The following ARHGEF7 variants were observed in gnomAD, a reference collection of about 807,000 sequenced individuals.
The protein encoded by ARHGEF7 is Rho guanine nucleotide exchange factor 7.
ARHGEF7 carries 33 observed loss-of-function variants against 109.8 expected under a neutral mutation model. The ratio of observed to expected loss-of-function variants is 0.30; its 90% CI spans 0.23 to 0.40. The LOEUF is 0.40. ARHGEF7 is among the 10% of genes least tolerant of loss of function. The pLI, the probability that ARHGEF7 is intolerant of heterozygous loss-of-function variation, is 1.00. For synonymous variants in ARHGEF7, 458 were observed against 424.6 expected, an observed-to-expected ratio of 1.08 and a Z score of -0.97; for missense variants, 938 against 1,098.5, an observed-to-expected ratio of 0.85 and a Z score of 2.07.
At chr13:111,221,533 CTATATATAGATACATATCTATATA>C (rs2084310549) in intron 5 of ARHGEF7, among the ~76,000 whole-genome samples, 2 of 33,818 alleles carry the variant, frequency 5.9e-5, no homozygotes, top group East Asian at 2.2e-3. Context: ...CTATATATAT[CTATATATAGATACATATCTATATA>C]TCTATATATA....
chr13:111,168,049 G>A (rs1484911537), intron 2 of ARHGEF7, among the ~76,000 whole-genome samples: 1 of 152,214 alleles, frequency 6.6e-6, no homozygotes, highest in Non-Finnish European at 1.5e-5. Context: ...CCTTGGCAGA[G>A]TGAGGTCCTT....
chr13:111,283,630 C>T (rs1365792424), intron 16 of ARHGEF7, among the ~76,000 whole-genome samples: 6 of 152,174 alleles, frequency 3.9e-5, no homozygotes, highest in African/African-American at 7.2e-5. Flanking sequence ...AGGAGTGTGC[C>T]GCCAGGGGCC....
rs1306928880 is a variant in ARHGEF7 at position 111,304,263 on chromosome 13, C to T, written c.*1150C>T. 2 of 152,282 alleles carry T rather than the reference C, an allele frequency of 1.3e-5. No individual in the cohort carries two copies. Among genetic ancestry groups the T allele is most frequent in the African/African-American group, 4.8e-5 (2 of 41,474 alleles). The allele number at this position is 152,282 out of a possible 1,614,324, so 9.4% of individuals were successfully genotyped here. A position where few individuals can be genotyped will look rare whatever the true frequency, so the allele number is the denominator to read the frequency against. ...CCAGTGCAGAGGAGACGAAGCCTGT[C>T]CTCACCGCGGCTCGCTGGGCCCAGG... On this transcript the variant is annotated 3_prime_UTR_variant, in exon 22 of 22. Transcript: ENST00000646102.
At chr13:111,185,961 C>CGTGTGTGTGTGT (rs71127998) in intron 2 of ARHGEF7, among the ~76,000 whole-genome samples, 2,855 of 135,800 alleles carry the variant, frequency 0.021, 64 homozygotes, top group Non-Finnish European at 0.028. Context: ...TTTGGGAGCT[C>CGTGTGTGTGTGT]GTGTGTGTGT....
chr13:111,292,372 G>A (rs781457030), intron 19 of ARHGEF7, 78 bp downstream of exon 19: 24 of 1,583,010 alleles, frequency 1.5e-5, no homozygotes, highest in Non-Finnish European at 1.7e-5. Flanking sequence ...TTGTTGTATC[G>A]CAGCCTGCTT....
chr13:111,299,144 G>C lies in ARHGEF7; in HGVS notation c.2312-1604G>C, dbSNP rs550045251. Among the ~76,000 whole-genome samples the C allele has an allele frequency of 2.0e-5, 3 of 152,260 alleles. No homozygotes were observed. In the East Asian group the frequency reaches 5.8e-4, roughly 29 times the overall value. On this transcript the variant is annotated intron_variant, in intron 19 of 21. Coordinates refer to ENST00000646102, the MANE Select transcript of ARHGEF7 (RefSeq NM_001354046.2). ...CATTCTGAGGAGTGGAGCAGGTTTT[G>C]CAGACGCACAAGGGGCAGCACCTGG...
At chr13:111,238,235 T>G (rs778920723) in intron 6 of ARHGEF7, among the ~76,000 whole-genome samples, 1 of 152,190 alleles carries the variant, frequency 6.6e-6, no homozygotes, top group Non-Finnish European at 1.5e-5. Context: ...GTGGAAGGTG[T>G]ACAGCCTTTT....
chr13:111,243,944 C>T lies in ARHGEF7; in HGVS notation c.832C>T (p.Arg278Trp), dbSNP rs746611764. Residue 278 changes from arginine (R) to tryptophan (W), a missense_variant, in exon 7 of 22, where the codon CGG (arginine) becomes TGG (tryptophan). Transcript: ENST00000646102. Reference protein sequence around the residue: ...ELQTVLSTYLRPLQTSEKLSS... With the variant: ...ELQTVLSTYLWPLQTSEKLSS... ...TCAGACTGTGCTTTCAACGTACCTA[C>T]GGCCATTGCAGACCAGTGAGAAGTA... is the stretch of plus-strand genomic sequence containing the variant. 35 of 1,612,754 alleles carry T rather than the reference C, an allele frequency of 2.2e-5. No homozygotes were observed. Among genetic ancestry groups the T allele is most frequent in the Middle Eastern group, 1.6e-4 (1 of 6,084 alleles).
In ARHGEF7 at chr13:111,153,803, C is replaced by T. The variant is rs897592513; in HGVS notation, c.166-102C>T. 6.3e-6 allele frequency: 9 copies of T among 1,420,206 alleles called. No individual in the cohort carries two copies. In the South Asian group the frequency reaches 7.5e-5, roughly 12 times the overall value. 88.0% of individuals were successfully genotyped at this position (1,420,206 alleles called of 1,614,324 possible). On this transcript the variant is annotated intron_variant, in intron 1 of 21. Coordinates refer to ENST00000646102, the MANE Select transcript of ARHGEF7 (RefSeq NM_001354046.2). ...GCCGTCGGGGGCCGCTCGCCAGCGT[C>T]GCCCGCTGTGTTGGGAGCGCGGGCC...
At chr13:111,287,429 C>T (rs1171788203) in intron 17 of ARHGEF7, among the ~76,000 whole-genome samples, 2 of 152,224 alleles carry the variant, frequency 1.3e-5, no homozygotes. Context: ...CGTTCATGGA[C>T]GCGTGCTTCA....
chr13:111,199,000 A>G (rs2080901074), intron 2 of ARHGEF7, among the ~76,000 whole-genome samples: 1 of 152,220 alleles, frequency 6.6e-6, no homozygotes, highest in Admixed American at 6.5e-5. Flanking sequence ...GTGCGTTTAC[A>G]AACCTTTAGC....
chr13:111,275,680 T>G lies in ARHGEF7; in HGVS notation c.1419+2T>G. 1 of 1,614,120 alleles carries G rather than the reference T, an allele frequency of 6.2e-7. No homozygotes were observed. The highest frequency in any genetic ancestry group is 8.5e-7 in the Non-Finnish European group (1 of 1,180,000). On this transcript the variant is annotated splice_donor_variant, in intron 12 of 21. Transcript: ENST00000646102. LOFTEE classifies it high-confidence loss of function. The stretch of plus-strand genomic sequence containing the variant: ...CTGATTCAGTGTGCCGGAAGTGAGG[T>G]ACTGCTGCCCACATGCACGCACCAG...
chr13:111,274,551 T>A (rs1415299372), intron 10 of ARHGEF7, among the ~76,000 whole-genome samples, 180 bp from the exon 11 acceptor site: 1 of 152,198 alleles, frequency 6.6e-6, no homozygotes, highest in Non-Finnish European at 1.5e-5. Context: ...CCAACTTATA[T>A]TTCCCCAAAG....
rs138491205 is a variant in ARHGEF7, at chr13:111,147,993, A to G, written c.166-5912A>G. ...ATTACAGGCGTGAGCCACCGTGCCC[A>G]GCCGAGGTCACCTTTTATGCTGGTT... is the stretch of plus-strand genomic sequence containing the variant. On this transcript the variant is annotated intron_variant, in intron 1 of 21. Transcript: ENST00000646102. Among the ~76,000 whole-genome samples the G allele has an allele frequency of 9.7e-4, 147 of 152,194 alleles. 2 individuals carry two copies. In the East Asian group the frequency reaches 0.025, roughly 26 times the overall value.
rs372601817 is a variant in ARHGEF7 at position 111,221,330 on chromosome 13, T to G, written c.670+3450T>G. Among the ~76,000 whole-genome samples the G allele has an allele frequency of 6.8e-4, 6 of 8,814 alleles. 2 individuals are homozygous for G. The East Asian group carries it at 8.8e-3, about 13-fold the overall frequency. 5.8% of individuals were successfully genotyped at this position (8,814 alleles called of 152,430 possible). ...ATATATCTATATATAGATATATATG[T>G]CTATATATATCTATATATATGTCTA... On this transcript the variant is annotated intron_variant, in intron 5 of 21. Transcript: ENST00000646102.
chr13:111,302,734 T>C (rs542231395), intron 21 of ARHGEF7, among the ~76,000 whole-genome samples: 1 of 152,306 alleles, frequency 6.6e-6, no homozygotes, highest in South Asian at 2.1e-4. Context: ...GTATGTTCTA[T>C]AGAGATTCAT....
intron 1 of ARHGEF7, among the ~76,000 whole-genome samples, chr13:111,138,547 G>A (rs2075197604): frequency 6.6e-6 from 1 of 152,176 alleles, no homozygotes; most frequent in Admixed American, 6.5e-5. Context: ...TCATGTTGTG[G>A]AGTTCAGCTG....
chr13:111,230,995 G>A (rs1319226588), intron 5 of ARHGEF7, among the ~76,000 whole-genome samples: 1 of 152,130 alleles, frequency 6.6e-6, no homozygotes, highest in Non-Finnish European at 1.5e-5. Flanking sequence ...TGAGTTGTGA[G>A]GTATGTCTTA....
intron 5 of ARHGEF7, among the ~76,000 whole-genome samples, chr13:111,225,623 C>T (rs765987885): frequency 2.0e-5 from 3 of 151,830 alleles, no homozygotes; most frequent in South Asian, 2.1e-4. Flanking sequence ...AATTCTTGCA[C>T]GATTTCACAG....
Sources: allele counts gnomAD v4.1 joint callset (sites outside exome capture counted in the v4.1 genomes callset), GRCh38; gene constraint gnomAD v4.1.1; transcripts MANE v1.5; gene names NCBI Gene and HGNC (gene_info 2026-07-23, HGNC 2026-07-21).